The following PRKD1 variants were observed in gnomAD, a reference collection of about 807,000 sequenced individuals.
The protein encoded by PRKD1 is serine/threonine-protein kinase D1.
Under a neutral mutation model 95.9 loss-of-function variants are expected in PRKD1, and 63 were observed. The ratio of observed to expected loss-of-function variants is 0.66; its 90% CI spans 0.54 to 0.81. The LOEUF (loss-of-function observed/expected upper bound fraction) is 0.81, where lower values mean the gene tolerates loss of function less well. Ranked by LOEUF, PRKD1 falls within the 30% of genes least tolerant of loss-of-function variation. The pLI is 0.00. For synonymous variants in PRKD1, 425 were observed against 423.1 expected, an observed-to-expected ratio of 1.00 and a Z score of -0.05; for missense variants, 1,048 against 1,165.3, an observed-to-expected ratio of 0.90 and a Z score of 1.47.
chr14:29,765,373 C>A (rs757543773), intron 1 of PRKD1, among the ~76,000 whole-genome samples: 1 of 152,120 alleles, frequency 6.6e-6, no homozygotes, highest in South Asian at 2.1e-4. Flanking sequence ...ACTTTAGTAT[C>A]GAGCCTGAGA....
At chr14:29,630,233 G>A (rs1285154839) in intron 10 of PRKD1, among the ~76,000 whole-genome samples, 2 of 152,016 alleles carry the variant, frequency 1.3e-5, no homozygotes, top group Non-Finnish European at 2.9e-5. Context: ...TATGCTTCCT[G>A]AGCTCAAGCA....
intron 16 of PRKD1, among the ~76,000 whole-genome samples, chr14:29,587,928 C>G (rs1303332274): frequency 6.6e-6 from 1 of 152,144 alleles, no homozygotes; most frequent in Non-Finnish European, 1.5e-5. Context: ...TTTATCTTAT[C>G]AATTCTGATT....
intron 1 of PRKD1, among the ~76,000 whole-genome samples, chr14:29,783,390 T>C (rs1269566363): frequency 6.6e-6 from 1 of 152,210 alleles, no homozygotes; most frequent in Non-Finnish European, 1.5e-5. Flanking sequence ...TCTTTATCCG[T>C]TCATCCGTTG....
intron 16 of PRKD1, among the ~76,000 whole-genome samples, chr14:29,583,478 A>G (rs888977628): frequency 2.6e-5 from 4 of 152,124 alleles, no homozygotes; most frequent in Non-Finnish European, 5.9e-5. Context: ...TGCAGTAAAC[A>G]TGACACCAAC....
chr14:29,628,873 A>T (rs550806391), intron 11 of PRKD1, among the ~76,000 whole-genome samples, 168 bp downstream of exon 11: 1 of 72,360 alleles, frequency 1.4e-5, no homozygotes, highest in Admixed American at 1.3e-4. Context: ...AAAAATTACT[A>T]ATCTATATAA....
chr14:29,604,702 A>C (rs1179155206), intron 13 of PRKD1, among the ~76,000 whole-genome samples: 1 of 152,134 alleles, frequency 6.6e-6, no homozygotes, highest in Non-Finnish European at 1.5e-5. Flanking sequence ...TAGAAATCAC[A>C]ATCCTTAAAC....
intron 1 of PRKD1, among the ~76,000 whole-genome samples, chr14:29,784,137 G>T (rs913465753): frequency 6.6e-6 from 1 of 152,090 alleles, no homozygotes; most frequent in South Asian, 2.1e-4. Flanking sequence ...ACTTTGAATT[G>T]ACTTTCTATA....
At chr14:29,894,169 T>C (rs1594609033) in intron 1 of PRKD1, among the ~76,000 whole-genome samples, 1 of 150,828 alleles carries the variant, frequency 6.6e-6, no homozygotes, top group South Asian at 2.1e-4. Context: ...GGATGGGAGG[T>C]GGAGGAAAAG....
intron 16 of PRKD1, among the ~76,000 whole-genome samples, chr14:29,596,094 A>T (rs1471081298): frequency 6.6e-6 from 1 of 152,196 alleles, no homozygotes; most frequent in Non-Finnish European, 1.5e-5. Flanking sequence ...CCTATGATTT[A>T]CAACTAATTA....
At chr14:29,878,767 G>C (rs1054050366) in intron 1 of PRKD1, among the ~76,000 whole-genome samples, 2 of 152,060 alleles carry the variant, frequency 1.3e-5, no homozygotes, top group Admixed American at 1.3e-4. Flanking sequence ...GACAGGAATG[G>C]GGAATTATTG....
chr14:29,748,150 A>C (rs753588280), intron 1 of PRKD1, among the ~76,000 whole-genome samples: 22 of 152,200 alleles, frequency 1.4e-4, no homozygotes, highest in Non-Finnish European at 3.2e-4. Flanking sequence ...ATTATTTGCA[A>C]TATTTTCCCA....
chr14:29,862,208 ATC>A (rs1330045343), intron 1 of PRKD1, among the ~76,000 whole-genome samples: 1 of 152,042 alleles, frequency 6.6e-6, no homozygotes, highest in Non-Finnish European at 1.5e-5. Context: ...AAATGACTAA[ATC>A]TCTTTCTTTT....
At chr14:29,772,410 G>A (rs940127353) in intron 1 of PRKD1, among the ~76,000 whole-genome samples, 4 of 152,110 alleles carry the variant, frequency 2.6e-5, no homozygotes, top group African/African-American at 4.8e-5. Flanking sequence ...ACTCAATTCC[G>A]AATCTGCTGG....
chr14:29,706,622 T>C (rs1191221532), intron 2 of PRKD1, among the ~76,000 whole-genome samples: 1 of 151,352 alleles, frequency 6.6e-6, no homozygotes, highest in Non-Finnish European at 1.5e-5. Flanking sequence ...GCACCAGGGA[T>C]AATAATAACA....
intron 1 of PRKD1, among the ~76,000 whole-genome samples, chr14:29,808,266 T>G (rs1015078331): frequency 3.4e-4 from 51 of 151,798 alleles, no homozygotes; most frequent in African/African-American, 1.2e-3. Context: ...AGATTCTAGA[T>G]TCTATCAAAA....
chr14:29,725,384 T>G, intron 2 of PRKD1, 152 bp downstream of exon 2: 2 of 936,300 alleles, frequency 2.1e-6, no homozygotes, highest in African/African-American at 3.3e-5. Flanking sequence ...AAACCTTTTG[T>G]TTCCCTTTTT....
chr14:29,775,832 C>T (rs572730691), intron 1 of PRKD1, among the ~76,000 whole-genome samples: 1 of 152,194 alleles, frequency 6.6e-6, no homozygotes, highest in South Asian at 2.1e-4. Context: ...GATCTGAGAA[C>T]AGCCAGACCG....
At chr14:29,904,141 T>C (rs929128055) in intron 1 of PRKD1, among the ~76,000 whole-genome samples, 3 of 152,186 alleles carry the variant, frequency 2.0e-5, no homozygotes, top group African/African-American at 7.2e-5. Flanking sequence ...ATCCCTGTAA[T>C]TCCAAATAAT....
rs888306698 is a variant in PRKD1 at position 29,927,431 on chromosome 14, C to T, written c.82G>A (p.Val28Ile). The T allele has an allele frequency of 5.7e-6, 8 of 1,412,138 alleles. No homozygotes were observed. In the African/African-American group the frequency reaches 1.2e-4, roughly 21 times the overall value. 87.5% of individuals were successfully genotyped at this position (1,412,138 alleles called of 1,614,324 possible). ...AAAAAAAAAL[V>I]PGSGPGPAPF... ...GCGGGCCCGGGCCCGGACCCTGGGA[C>T]CAGTGCGGCGGCCGCTGCGGCAGCT... The change falls in exon 1 of 18, where the codon GTC becomes ATC. Residue 28 changes from valine (V) to isoleucine (I), a missense_variant. Val to Ile is a conservative substitution (Grantham distance 29, BLOSUM62 3). Coordinates refer to ENST00000331968, the MANE Select transcript of PRKD1 (RefSeq NM_002742.3).
Sources: gnomAD v4.1 joint callset for allele counts (sites outside exome capture counted in the v4.1 genomes callset) on GRCh38, gnomAD v4.1.1 for gene constraint, MANE v1.5 for transcripts, NCBI Gene and HGNC (gene_info 2026-07-23, HGNC 2026-07-21) for gene names.